The following TADA2A variants were observed in gnomAD, a reference collection of about 807,000 sequenced individuals.
The protein encoded by TADA2A is transcriptional adaptor 2A, also known as transcriptional adapter 2-alpha.
In TADA2A, 38 loss-of-function variants were observed where a neutral mutation model predicts 67.4. That is an observed-to-expected ratio of 0.56 (90% confidence interval 0.44 to 0.74). The LOEUF is 0.74. Ranked by LOEUF, TADA2A falls within the 30% of genes least tolerant of loss-of-function variation. The probability of loss-of-function intolerance (pLI) is 0.00; values close to 1 mark genes in which losing one functional copy is unlikely to be tolerated. For missense variants in TADA2A, 454 were observed against 547.0 expected (o/e 0.83, Z 1.70); for synonymous variants, 192 against 181.6 (o/e 1.06, Z -0.46).
intron 5 of TADA2A, 142 bp downstream of exon 5, chr17:37,437,971 C>T (rs2052782928): frequency 1.4e-6 from 1 of 712,728 alleles, no homozygotes; most frequent in Non-Finnish European, 2.4e-6. Flanking sequence ...AAGTTAGTCC[C>T]CTCTGTACAT....
chr17:37,411,016 A>T (rs1162445150), intron 1 of TADA2A, among the ~76,000 whole-genome samples: 1 of 152,238 alleles, frequency 6.6e-6, no homozygotes, highest in African/African-American at 2.4e-5. Flanking sequence ...TGTAGCATTT[A>T]TAGAGGACCA....
At chr17:37,421,503 G>T (rs1003236805) in intron 2 of TADA2A, among the ~76,000 whole-genome samples, 1 of 147,678 alleles carries the variant, frequency 6.8e-6, no homozygotes, top group East Asian at 2.1e-4. Context: ...AGCTGAGTGT[G>T]ATGGCTCATA....
intron 2 of TADA2A, among the ~76,000 whole-genome samples, chr17:37,413,340 A>G (rs910382483): frequency 1.3e-5 from 2 of 152,144 alleles, no homozygotes; most frequent in Admixed American, 6.5e-5. Context: ...TTCATTTTAC[A>G]TGTAGAGAAA....
At chr17:37,460,763 G>A (rs878895972) in intron 9 of TADA2A, among the ~76,000 whole-genome samples, 2 of 152,162 alleles carry the variant, frequency 1.3e-5, no homozygotes, top group Admixed American at 1.3e-4. Flanking sequence ...AAGTGTGCAT[G>A]TGTGTGTATG....
At position 37,479,095 on chromosome 17, in the gene TADA2A, G is replaced by A. The variant is rs1012469676; in HGVS notation, c.*2113G>A. On this transcript the variant is annotated 3_prime_UTR_variant, in exon 16 of 16. Transcript: ENST00000615182. ...TGTAGTCTGAAGAGTCCTTAACCTT[G>A]ATTAAGGAAGGCTTCCTGGGAGAGG... is the stretch of plus-strand genomic sequence containing the variant. 6.6e-6 allele frequency: 1 copy of A among 152,164 alleles called. No homozygotes were observed. The highest frequency in any genetic ancestry group is 1.5e-5 in the Non-Finnish European group (1 of 68,030). 9.4% of individuals were successfully genotyped at this position (152,164 alleles called of 1,614,324 possible). A position where few individuals can be genotyped will look rare whatever the true frequency, so the allele number is the denominator to read the frequency against.
intron 4 of TADA2A, among the ~76,000 whole-genome samples, chr17:37,428,187 T>C (rs1037785280): frequency 1.3e-5 from 2 of 152,110 alleles, no homozygotes; most frequent in Admixed American, 6.6e-5. Flanking sequence ...AAATTAGATA[T>C]CTTAAGACAA....
chr17:37,431,497 T>C (rs2052566146), intron 4 of TADA2A, among the ~76,000 whole-genome samples: 1 of 152,172 alleles, frequency 6.6e-6, no homozygotes, highest in South Asian at 2.1e-4. Context: ...AAATTTCCGT[T>C]TACCCATCAC....
intron 1 of TADA2A, chr17:37,407,352 G>C (rs1010399397): frequency 6.6e-5 from 10 of 152,354 alleles, no homozygotes; most frequent in African/African-American, 2.4e-4. Context: ...TACCCTGTTA[G>C]AGCTGAGGCG....
chr17:37,467,599 G>A (rs1363389144), intron 12 of TADA2A, 74 bp downstream of exon 12: 26 of 1,317,026 alleles, frequency 2.0e-5, no homozygotes, highest in Admixed American at 2.3e-5. Flanking sequence ...TCTCTGAATT[G>A]TTGTGAATTT....
In TADA2A at chr17:37,427,004, A is replaced by G; in HGVS notation, c.187A>G (p.Ile63Val). The G allele has an allele frequency of 6.3e-7, 1 of 1,583,610 alleles. No individual in the cohort carries two copies. The highest frequency in any genetic ancestry group is 8.6e-7 in the Non-Finnish European group (1 of 1,163,698). The stretch of plus-strand genomic sequence containing the variant: ...ACATCAAAGCGATCATACTTATGAA[A>G]TAATGGTAATGATGAAGTTGCTGGG... The part of the protein sequence containing the change: ...KKHQSDHTYE[I>V]MTSDFPVLDP... Residue 63 changes from isoleucine (I) to valine (V), a missense_variant, in exon 4 of 16, where the codon ATA (isoleucine) becomes GTA (valine). Ile to Val is a conservative substitution (Grantham distance 29). Around this residue, in one of 2 missense-constraint regions of TADA2A, gnomAD observed 403 missense variants for 455.5 expected, o/e 0.88. Transcript: ENST00000615182.
intron 9 of TADA2A, among the ~76,000 whole-genome samples, chr17:37,459,038 T>G (rs1296259727): frequency 6.6e-6 from 1 of 152,082 alleles, no homozygotes; most frequent in East Asian, 1.9e-4. Flanking sequence ...TGACTCATCT[T>G]TTGACCTTGG....
chr17:37,471,989 T>C (rs1046457401), intron 14 of TADA2A, among the ~76,000 whole-genome samples: 28 of 152,134 alleles, frequency 1.8e-4, no homozygotes, highest in African/African-American at 4.8e-4. Flanking sequence ...TCCTTGGTGA[T>C]TGGTAATCGA....
chr17:37,437,904 G>GA, intron 5 of TADA2A, 75 bp downstream of exon 5: 2 of 1,357,606 alleles, frequency 1.5e-6, no homozygotes, highest in Non-Finnish European at 2.1e-6. Flanking sequence ...AGTAAAGGAA[G>GA]GAACCTCAGG....
intron 4 of TADA2A, among the ~76,000 whole-genome samples, chr17:37,436,109 A>G (rs1386559371): frequency 6.6e-6 from 1 of 152,134 alleles, no homozygotes; most frequent in Non-Finnish European, 1.5e-5. Flanking sequence ...ACACTAACCA[A>G]CGTAATTATT....
intron 1 of TADA2A, chr17:37,407,620 G>A (rs937511968): frequency 2.0e-5 from 3 of 151,788 alleles, no homozygotes; most frequent in Admixed American, 6.6e-5. Context: ...CTGCAATATT[G>A]TGCTTTTTTG....
At chr17:37,458,614 C>T in intron 9 of TADA2A, 27 bp downstream of exon 9, 1 of 1,589,458 alleles carries the variant, frequency 6.3e-7, no homozygotes, top group Non-Finnish European at 8.6e-7. Context: ...ATCCTGGCCT[C>T]CTTTCAGCTT....
chr17:37,466,146 C>T (rs755537890), intron 11 of TADA2A, among the ~76,000 whole-genome samples: 6 of 152,092 alleles, frequency 3.9e-5, no homozygotes, highest in Admixed American at 6.6e-5. Flanking sequence ...TGAGGCCGGG[C>T]GTGGTGGCTC....
At chr17:37,456,170 A>T (rs1418491644) in intron 8 of TADA2A, among the ~76,000 whole-genome samples, 1 of 152,220 alleles carries the variant, frequency 6.6e-6, no homozygotes, top group Non-Finnish European at 1.5e-5. Flanking sequence ...CCTGCACTCC[A>T]GCCTGGGCAA....
At chr17:37,428,325 A>G (rs182329651) in intron 4 of TADA2A, among the ~76,000 whole-genome samples, 14 of 152,276 alleles carry the variant, frequency 9.2e-5, no homozygotes, top group Middle Eastern at 3.4e-3. Context: ...CTGGGGTAGA[A>G]TCCACTTCTA....
Sources: allele counts gnomAD v4.1 joint callset (sites outside exome capture counted in the v4.1 genomes callset), GRCh38; gene constraint gnomAD v4.1.1; regional missense constraint gnomAD v4.1.1; transcripts MANE v1.5; gene names NCBI Gene and HGNC (gene_info 2026-07-23, HGNC 2026-07-21).